ARMH3: variants seen among roughly 807,000 people sequenced by gnomAD.
ARMH3 encodes the protein armadillo-like helical domain-containing protein 3.
In ARMH3, 60 loss-of-function variants were observed where a neutral mutation model predicts 99.1. The ratio of observed to expected loss-of-function variants is 0.61; its 90% confidence interval spans 0.49 to 0.75. The LOEUF (loss-of-function observed/expected upper bound fraction) is 0.75, where lower values mean the gene tolerates loss of function less well. Ranked by LOEUF, ARMH3 falls within the 30% of genes least tolerant of loss-of-function variation. The probability of loss-of-function intolerance (pLI) is 0.00; values close to 1 mark genes in which losing one functional copy is unlikely to be tolerated. For missense variants in ARMH3, 679 were observed against 843.1 expected (o/e 0.81, Z 2.41); for synonymous variants, 285 against 292.8 (o/e 0.97, Z 0.27).
intron 23 of ARMH3, among the ~76,000 whole-genome samples, chr10:101,915,791 T>C (rs1004897997): frequency 1.3e-5 from 2 of 151,570 alleles, no homozygotes; most frequent in African/African-American, 2.4e-5. Flanking sequence ...CTTGGCACTA[T>C]TGCAAGTCCT....
intron 8 of ARMH3, among the ~76,000 whole-genome samples, chr10:102,020,199 A>T (rs1015192031): frequency 2.0e-5 from 3 of 152,016 alleles, no homozygotes; most frequent in Non-Finnish European, 4.4e-5. Flanking sequence ...AGAAAGAAAA[A>T]ATTTAATAAA....
intron 23 of ARMH3, among the ~76,000 whole-genome samples, chr10:101,918,230 T>C (rs1843161176): frequency 6.6e-6 from 1 of 152,184 alleles, no homozygotes; most frequent in Non-Finnish European, 1.5e-5. Context: ...ATTTTTGTAT[T>C]TTTAGTAGAG....
At chr10:101,851,818 GGT>G (rs1419658885) in intron 24 of ARMH3, among the ~76,000 whole-genome samples, 1 of 152,200 alleles carries the variant, frequency 6.6e-6, no homozygotes, top group Non-Finnish European at 1.5e-5. Context: ...CATTTTGCCT[GGT>G]GTGTCCCACA....
chr10:101,942,429 C>T (rs1844283155), intron 22 of ARMH3, among the ~76,000 whole-genome samples: 1 of 152,028 alleles, frequency 6.6e-6, no homozygotes, highest in South Asian at 2.1e-4. Context: ...TTGGTAATTA[C>T]CTTTGATTTT....
At chr10:101,977,544 T>TA (rs993815395) in intron 19 of ARMH3, among the ~76,000 whole-genome samples, 7 of 152,366 alleles carry the variant, frequency 4.6e-5, no homozygotes, top group Middle Eastern at 3.4e-3. Context: ...ACATAGATGA[T>TA]AAAAACAGTG....
chr10:102,013,695 G>C (rs541608108), intron 9 of ARMH3, among the ~76,000 whole-genome samples: 1 of 152,086 alleles, frequency 6.6e-6, no homozygotes, highest in African/African-American at 2.4e-5. Context: ...GACATCGTAG[G>C]ATAATCAACT....
At chr10:101,993,694 G>A in intron 16 of ARMH3, 91 bp from the exon 17 acceptor site, 1 of 857,730 alleles carries the variant, frequency 1.2e-6, no homozygotes, top group Non-Finnish European at 1.8e-6. Context: ...TGGACTTTGA[G>A]AACTACTTTC....
At chr10:102,047,807 A>G (rs184173956) in intron 1 of ARMH3, among the ~76,000 whole-genome samples, 2 of 152,162 alleles carry the variant, frequency 1.3e-5, no homozygotes, top group African/African-American at 4.8e-5. Flanking sequence ...ATTTTTAACA[A>G]TCACTCCAGA....
intron 23 of ARMH3, among the ~76,000 whole-genome samples, chr10:101,894,538 C>G (rs1054606879): frequency 6.6e-6 from 1 of 152,168 alleles, no homozygotes; most frequent in Admixed American, 6.5e-5. Context: ...CTGGCCAAGG[C>G]GCTAGACTAG....
chr10:101,984,341 T>A (rs528683465), intron 19 of ARMH3, among the ~76,000 whole-genome samples: 30 of 152,338 alleles, frequency 2.0e-4, no homozygotes, highest in Non-Finnish European at 4.4e-5. Flanking sequence ...GAGCATGATT[T>A]GCCTTAGCAA....
intron 24 of ARMH3, among the ~76,000 whole-genome samples, chr10:101,853,925 C>T (rs1019338121): frequency 6.6e-6 from 1 of 152,122 alleles, no homozygotes; most frequent in African/African-American, 2.4e-5. Flanking sequence ...CCAGCCTGGC[C>T]AAGATGGTGA....
chr10:102,046,528 T>A (rs534658914), intron 1 of ARMH3, among the ~76,000 whole-genome samples: 215 of 152,212 alleles, frequency 1.4e-3, no homozygotes, highest in African/African-American at 5.0e-3. Context: ...AGCACATGCC[T>A]GTAATCTCAG....
intron 22 of ARMH3, among the ~76,000 whole-genome samples, chr10:101,945,308 G>A (rs191646891): frequency 2.0e-5 from 3 of 152,190 alleles, no homozygotes; most frequent in Admixed American, 6.5e-5. Context: ...GAGGCCAGGC[G>A]CAGTGCCTCG....
At chr10:101,951,677 G>A (rs367664339) in intron 22 of ARMH3, among the ~76,000 whole-genome samples, 13 of 152,116 alleles carry the variant, frequency 8.5e-5, no homozygotes, top group African/African-American at 3.1e-4. Context: ...GACCAGACTG[G>A]CCAACATGGT....
intron 5 of ARMH3, among the ~76,000 whole-genome samples, chr10:102,027,571 G>A (rs908922786): frequency 6.6e-6 from 1 of 151,994 alleles, no homozygotes; most frequent in Non-Finnish European, 1.5e-5. Flanking sequence ...AGTACTTATG[G>A]GATGTGTCAG....
chr10:101,983,331 G>C (rs1421256608), intron 19 of ARMH3, among the ~76,000 whole-genome samples: 2 of 152,072 alleles, frequency 1.3e-5, no homozygotes, highest in South Asian at 2.1e-4. Context: ...ACCTAGGCTG[G>C]AATGCAGTGG....
chr10:101,984,196 T>C (rs540078981), intron 19 of ARMH3, among the ~76,000 whole-genome samples: 22 of 152,352 alleles, frequency 1.4e-4, no homozygotes, highest in African/African-American at 5.3e-4. Flanking sequence ...CTCATAAGCC[T>C]GTACCAAAAT....
intron 1 of ARMH3, among the ~76,000 whole-genome samples, chr10:102,055,846 C>T (rs1737468944): frequency 6.6e-6 from 1 of 152,332 alleles, no homozygotes; most frequent in Middle Eastern, 3.4e-3. Context: ...TCCGAGGGAC[C>T]GGCCGCTGGA....
intron 2 of ARMH3, among the ~76,000 whole-genome samples, chr10:102,037,867 G>A (rs1430807452): frequency 1.3e-5 from 2 of 152,038 alleles, no homozygotes; most frequent in Non-Finnish European, 2.9e-5. Context: ...TGGGATTACA[G>A]GTGTGAGCTA....
Sources: gnomAD v4.1 joint callset for allele counts (sites outside exome capture counted in the v4.1 genomes callset) on GRCh38, gnomAD v4.1.1 for gene constraint, MANE v1.5 for transcripts, NCBI Gene and HGNC (gene_info 2026-07-23, HGNC 2026-07-21) for gene names.